PTPRK: variants seen among roughly 807,000 people sequenced by gnomAD.
PTPRK encodes receptor-type tyrosine-protein phosphatase kappa.
In PTPRK, 75 loss-of-function variants were observed where a neutral mutation model predicts 178.0. The ratio of observed to expected loss-of-function variants is 0.42; its 90% CI spans 0.35 to 0.51. PTPRK has a LOEUF of 0.51. Among genes scored for constraint, PTPRK ranks in the 20% least tolerant of loss-of-function variants. The pLI, the probability that PTPRK is intolerant of heterozygous loss-of-function variation, is 0.02. For missense variants in PTPRK, 1,441 were observed against 1,797.8 expected (o/e 0.80, Z 3.59); for synonymous variants, 637 against 620.6 (o/e 1.03, Z -0.39).
At chr6:128,037,061 G>A (rs533896530) in intron 13 of PTPRK, among the ~76,000 whole-genome samples, 3 of 152,096 alleles carry the variant, frequency 2.0e-5, no homozygotes, top group South Asian at 4.2e-4. Flanking sequence ...AGTTGTGCTT[G>A]GGTGCAAATC....
chr6:128,089,771 T>C lies in PTPRK; in HGVS notation c.1384A>G (p.Asn462Asp), dbSNP rs748700551. 5.6e-6 allele frequency: 9 copies of C among 1,613,228 alleles called. No individual in the cohort carries two copies. The change falls in exon 8 of 30, where the codon AAT becomes GAT. Residue 462 changes from asparagine to aspartate, a missense_variant. Coordinates refer to ENST00000368226, the MANE Select transcript of PTPRK (RefSeq NM_002844.4). ...HVVNHLPPYT[N>D]VSLKMILTNP... Reference sequence around the variant, plus strand: ...GTTAGGATCATCTTGAGGCTGACATTTGTATAAGGTGGCAGATGGTTCACA... The same window carrying C: ...GTTAGGATCATCTTGAGGCTGACATCTGTATAAGGTGGCAGATGGTTCACA...
In PTPRK at chr6:128,520,480, C is replaced by T; in HGVS notation, c.-122G>A. The T allele has an allele frequency of 1.1e-6, 1 of 876,226 alleles. No homozygotes were observed. Among genetic ancestry groups the T allele is most frequent in the East Asian group, 2.7e-5 (1 of 36,686 alleles). The allele number at this position is 876,226 out of a possible 1,614,324, so 54.3% of individuals were successfully genotyped here. On this transcript the variant is annotated 5_prime_UTR_variant, in exon 1 of 30. Transcript: ENST00000368226. Reference sequence around the variant, plus strand: ...TGAGGACGGTGAGAGGACAGCCGCCCGCCCGCCCTTTTTCCTTCTTCGCGG... The same window carrying T: ...TGAGGACGGTGAGAGGACAGCCGCCTGCCCGCCCTTTTTCCTTCTTCGCGG...
At chr6:128,125,040 A>G (rs1793114474) in intron 7 of PTPRK, among the ~76,000 whole-genome samples, 1 of 152,218 alleles carries the variant, frequency 6.6e-6, no homozygotes, top group South Asian at 2.1e-4. Flanking sequence ...TAATTTCATG[A>G]GCTGCTTTCT....
chr6:128,005,950 A>G, intron 14 of PTPRK: 1 of 1,167,996 alleles, frequency 8.6e-7, no homozygotes, highest in Non-Finnish European at 1.2e-6. Flanking sequence ...AATTGCAAGC[A>G]TTCTGTTTTG....
chr6:128,158,357 T>C lies in PTPRK; in HGVS notation c.1162+26075A>G, dbSNP rs1277411279. Among the ~76,000 whole-genome samples the C allele has an allele frequency of 4.6e-5, 7 of 151,932 alleles. No homozygotes were observed. The East Asian group carries it at 1.2e-3, about 25-fold the overall frequency. ...AACACCAACATGGCACATGTATACA[T>C]ATGTAACAAACCTGCGCGTTGTGCA... On this transcript the variant is annotated intron_variant, in intron 7 of 29. Transcript: ENST00000368226.
chr6:128,150,141 T>G (rs921953957), intron 7 of PTPRK, among the ~76,000 whole-genome samples: 1 of 152,166 alleles, frequency 6.6e-6, no homozygotes, highest in Non-Finnish European at 1.5e-5. Flanking sequence ...GGTTGTGATT[T>G]TAGCTACAAT....
At chr6:128,401,980 G>A (rs1224418294) in intron 1 of PTPRK, among the ~76,000 whole-genome samples, 1 of 152,086 alleles carries the variant, frequency 6.6e-6, no homozygotes, top group Middle Eastern at 3.2e-3. Flanking sequence ...TCAGGACACA[G>A]AGAAAGATTA....
In PTPRK at chr6:128,064,147, CTA is replaced by C. The variant is rs1781349799; in HGVS notation, c.2194+609_2194+610del. Among the ~76,000 whole-genome samples the C allele has an allele frequency of 2.6e-5, 4 of 152,276 alleles. No homozygotes were observed. In the East Asian group the frequency reaches 7.7e-4, roughly 29 times the overall value. On this transcript the variant is annotated intron_variant, in intron 13 of 29. Transcript: ENST00000368226. ...AGGAGACTTTCCCCCACTTGGAACT[CTA>C]AATATTCATTCAAAGATGCAAATGT...
intron 3 of PTPRK, among the ~76,000 whole-genome samples, chr6:128,252,673 C>A (rs1336785692): frequency 1.3e-5 from 2 of 152,092 alleles, no homozygotes; most frequent in Admixed American, 1.3e-4. Flanking sequence ...AAGACAGAGA[C>A]ACACACAAGC....
chr6:128,136,834 G>A (rs548516475), intron 7 of PTPRK, among the ~76,000 whole-genome samples: 6 of 152,196 alleles, frequency 3.9e-5, no homozygotes, highest in Admixed American at 2.0e-4. Context: ...TGTAATGGCC[G>A]AATCCATTGC....
intron 2 of PTPRK, among the ~76,000 whole-genome samples, chr6:128,363,385 C>A (rs761599542): frequency 6.6e-6 from 1 of 152,086 alleles, no homozygotes; most frequent in Non-Finnish European, 1.5e-5. Context: ...AGTACAAATC[C>A]CCCCAATGAC....
At chr6:128,034,630 A>G (rs1775907127) in intron 13 of PTPRK, among the ~76,000 whole-genome samples, 1 of 152,202 alleles carries the variant, frequency 6.6e-6, no homozygotes, top group Non-Finnish European at 1.5e-5. Context: ...GCCATCAAAG[A>G]AAAAATAAGA....
At chr6:128,444,503 T>C (rs78721989) in intron 1 of PTPRK, among the ~76,000 whole-genome samples, 2,501 of 152,144 alleles carry the variant, frequency 0.016, 29 homozygotes, top group Non-Finnish European at 0.027. Flanking sequence ...GTAAGCCCAG[T>C]TATATGCTGA....
intron 7 of PTPRK, among the ~76,000 whole-genome samples, chr6:128,108,353 CA>C (rs1790080067): frequency 6.6e-6 from 1 of 151,888 alleles, no homozygotes; most frequent in African/African-American, 2.4e-5. Context: ...GTACCTAGTG[CA>C]GAAAAAGAGA....
intron 3 of PTPRK, among the ~76,000 whole-genome samples, chr6:128,273,157 G>C (rs1583829695): frequency 6.6e-6 from 1 of 151,946 alleles, no homozygotes; most frequent in Non-Finnish European, 1.5e-5. Context: ...TGAACAATGA[G>C]AACACTTGGA....
chr6:128,081,591 A>G (rs946162807), intron 10 of PTPRK, among the ~76,000 whole-genome samples: 3 of 152,140 alleles, frequency 2.0e-5, no homozygotes, highest in African/African-American at 7.2e-5. Flanking sequence ...AAATGAACAC[A>G]AATGAACAAA....
intron 13 of PTPRK, among the ~76,000 whole-genome samples, chr6:128,018,263 A>C (rs1429655776): frequency 6.6e-6 from 1 of 152,086 alleles, no homozygotes; most frequent in Non-Finnish European, 1.5e-5. Context: ...AATGCTCATA[A>C]TTTGTCAAGG....
At position 128,147,526 on chromosome 6, in the gene PTPRK, A is replaced by AC. The variant is rs1291769066; in HGVS notation, c.1162+36905_1162+36906insG. ...TACCCTTAAAATTGTAAAATAGAAA[A>AC]AAAATCATTAAAAATAAGAATCAAA... On this transcript the variant is annotated intron_variant, in intron 7 of 29. Transcript: ENST00000368226. 5.3e-5 allele frequency among the ~76,000 whole-genome samples: 8 copies of AC among 152,296 alleles called. No individual in the cohort carries two copies. The East Asian group carries it at 1.5e-3, about 29-fold the overall frequency.
rs959493448 is a variant in PTPRK, at chr6:128,076,365, G to A, written c.1883+2448C>T. 2.0e-5 allele frequency among the ~76,000 whole-genome samples: 3 copies of A among 152,058 alleles called. No individual in the cohort carries two copies. The East Asian group carries it at 5.8e-4, about 29-fold the overall frequency. On this transcript the variant is annotated intron_variant, in intron 11 of 29. Coordinates refer to ENST00000368226, the MANE Select transcript of PTPRK (RefSeq NM_002844.4). ...CACAAAGGATTCAGAGGGTAAAGGA[G>A]GCAGGGCTCATCTGAAGCCAGATTA...
Sources: allele counts gnomAD v4.1 joint callset (sites outside exome capture counted in the v4.1 genomes callset), GRCh38; gene constraint gnomAD v4.1.1; transcripts MANE v1.5; gene names NCBI Gene and HGNC (gene_info 2026-07-23, HGNC 2026-07-21).